The following IPO9 variants were observed in gnomAD, a reference collection of about 807,000 sequenced individuals.
IPO9 encodes the protein importin-9.
A neutral mutation model predicts 128.6 loss-of-function variants in IPO9; 28 were observed. That is an observed-to-expected ratio of 0.22 (90% CI 0.16 to 0.30). The LOEUF is 0.30. Ranked by LOEUF, IPO9 falls within the 10% of genes least tolerant of loss-of-function variation. The pLI is 1.00. For synonymous variants in IPO9, 455 were observed against 475.8 expected (o/e 0.96, Z 0.57); for missense variants, 935 against 1,293.9 (o/e 0.72, Z 4.26).
At chr1:201,836,624 T>A (rs1571537813) in intron 1 of IPO9, among the ~76,000 whole-genome samples, 1 of 95,344 alleles carries the variant, frequency 1.0e-5, no homozygotes, top group Admixed American at 9.9e-5. Context: ...TTTATATAGC[T>A]TTTAAGTAAA....
At chr1:201,859,645 A>G (rs1223857074) in intron 13 of IPO9, among the ~76,000 whole-genome samples, 1 of 152,038 alleles carries the variant, frequency 6.6e-6, no homozygotes, top group African/African-American at 2.4e-5. Context: ...TCTCATACCC[A>G]TGTTAGCCAT....
In IPO9 at chr1:201,881,595, A is replaced by AG. The variant is rs796529850; in HGVS notation, c.*5542dup. On this transcript the variant is annotated 3_prime_UTR_variant, in exon 24 of 24. Coordinates refer to ENST00000361565, the MANE Select transcript of IPO9 (RefSeq NM_018085.5). The stretch of plus-strand genomic sequence containing the variant: ...GGCCAGAAATAAAGCTGGAAGGACA[A>AG]GTGGGGGGCAGATTGTGAAGGATCC... 3.3e-4 allele frequency: 50 copies of AG among 152,362 alleles called. No homozygotes were observed. The highest frequency in any genetic ancestry group is 1.1e-3 in the African/African-American group (45 of 41,582). The allele number at this position is 152,362 out of a possible 1,614,324, so 9.4% of individuals were successfully genotyped here. A position where few individuals can be genotyped will look rare whatever the true frequency, so the allele number is the denominator to read the frequency against.
chr1:201,846,507 G>A (rs1475904640), intron 1 of IPO9, among the ~76,000 whole-genome samples: 17 of 152,122 alleles, frequency 1.1e-4, no homozygotes, highest in Admixed American at 1.1e-3. Flanking sequence ...AAGTAGCTGG[G>A]ATTACAGGTG....
At chr1:201,838,127 A>G (rs956779914) in intron 1 of IPO9, among the ~76,000 whole-genome samples, 1 of 152,214 alleles carries the variant, frequency 6.6e-6, no homozygotes, top group African/African-American at 2.4e-5. Context: ...ATGTGCTTGT[A>G]GATTATTGTG....
At position 201,876,671 on chromosome 1, in the gene IPO9, A is replaced by T. The variant is rs1680770335; in HGVS notation, c.*617A>T. ...TTGTTTTTGCTTCATTGCATGACAT[A>T]ACCCTTCCCCTCAAGCTGTTCCTAT... On this transcript the variant is annotated 3_prime_UTR_variant, in exon 24 of 24. Coordinates refer to ENST00000361565, the MANE Select transcript of IPO9 (RefSeq NM_018085.5). The T allele has an allele frequency of 6.4e-6, 1 of 157,414 alleles. No individual in the cohort carries two copies. The highest frequency in any genetic ancestry group is 1.4e-5 in the Non-Finnish European group (1 of 70,888). The allele number at this position is 157,414 out of a possible 1,614,324, so 9.8% of individuals were successfully genotyped here.
At chr1:201,868,432 C>A (rs921602531) in intron 15 of IPO9, among the ~76,000 whole-genome samples, 7 of 151,954 alleles carry the variant, frequency 4.6e-5, no homozygotes, top group Non-Finnish European at 7.4e-5. Context: ...CTAGTCCCTA[C>A]TTTAATGAAG....
In IPO9 at chr1:201,852,088, A is replaced by AC; in HGVS notation, c.515-15dup. The AC allele has an allele frequency of 6.5e-7, 1 of 1,534,446 alleles. No individual in the cohort carries two copies. The highest frequency in any genetic ancestry group is 9.0e-7 in the Non-Finnish European group (1 of 1,109,986). On this transcript the variant is annotated splice_polypyrimidine_tract_variant and intron_variant, in intron 4 of 23. Transcript: ENST00000361565. Reference sequence around the variant, plus strand: ...GCAGTATTTTTTTTTTAACAGTACTACTTTTTTCTTTGTAGAATTCACTCG... The same window carrying AC: ...GCAGTATTTTTTTTTTAACAGTACTACCTTTTTTCTTTGTAGAATTCACTCG...
At chr1:201,871,014 T>C in intron 18 of IPO9, 147 bp from the exon 19 acceptor site, 2 of 1,275,614 alleles carry the variant, frequency 1.6e-6, no homozygotes, top group African/African-American at 3.0e-5. Context: ...CTAAGAAACA[T>C]GGACAAGGAA....
chr1:201,856,025 C>A, intron 10 of IPO9, 91 bp downstream of exon 10: 4 of 888,158 alleles, frequency 4.5e-6, no homozygotes, highest in Non-Finnish European at 4.9e-6. Flanking sequence ...CACTTTATTT[C>A]TAAAAATAGA....
In IPO9 at chr1:201,829,246, C is replaced by A. The variant is rs752546546; in HGVS notation, c.37C>A (p.Leu13Met). 8.9e-6 allele frequency: 14 copies of A among 1,579,904 alleles called. No homozygotes were observed. Among genetic ancestry groups the A allele is most frequent in the Middle Eastern group, 3.8e-4 (2 of 5,320 alleles). Residue 13 changes from leucine to methionine, a missense_variant, in exon 1 of 24, where the codon CTG (leucine) becomes ATG (methionine). Coordinates refer to ENST00000361565, the MANE Select transcript of IPO9 (RefSeq NM_018085.5). ...AAAAAGAASG[L>M]PGPVAQGLKE... ...GGCGGCAGCTGGTGCGGCCTCCGGG[C>A]TGCCGGGTCCAGTGGCACAAGGATT...
intron 1 of IPO9, among the ~76,000 whole-genome samples, chr1:201,833,394 A>T (rs941405035): frequency 2.6e-4 from 40 of 152,118 alleles, no homozygotes; most frequent in African/African-American, 9.6e-4. Context: ...GCGTACCAAC[A>T]CGCCAGGCTA....
rs1266184830 is a variant in IPO9, at chr1:201,866,826, G to A, written c.1722G>A (p.Gln574=). ...ILDGLIHLAA[Q]FSSEVLNLVM... The stretch of plus-strand genomic sequence containing the variant: ...ATGGCTTAATTCACCTAGCAGCCCA[G>A]TTCAGCTCAGAGGTCCTCAACCTGG... Residue 574 remains glutamine (Q), a synonymous_variant, in exon 15 of 24, where the codon CAG becomes CAA. Transcript: ENST00000361565. The A allele has an allele frequency of 5.0e-6, 8 of 1,614,022 alleles. No individual in the cohort carries two copies. Among genetic ancestry groups the A allele is most frequent in the African/African-American group, 2.7e-5 (2 of 74,886 alleles).
rs11450190 is a variant in IPO9 at position 201,832,256 on chromosome 1, C to CTTT, written c.163+2895_163+2897dup. ...CCTTGTTTTCTGATTCTAGGAAACA[C>CTTT]TTTTTTTTTTTTTGAGACCGAGTCT... is the stretch of plus-strand genomic sequence containing the variant. On this transcript the variant is annotated intron_variant, in intron 1 of 23. Transcript: ENST00000361565. Among the ~76,000 whole-genome samples, 352 of 143,602 alleles carry CTTT rather than the reference C, an allele frequency of 2.5e-3. 4 individuals are homozygous for CTTT. Among genetic ancestry groups the CTTT allele is most frequent in the African/African-American group, 6.7e-3 (262 of 38,916 alleles). The allele number at this position is 143,602 out of a possible 152,430, so 94.2% of individuals were successfully genotyped here.
chr1:201,856,425 C>T (rs1007000994), intron 10 of IPO9, among the ~76,000 whole-genome samples: 4 of 152,102 alleles, frequency 2.6e-5, no homozygotes, highest in African/African-American at 7.2e-5. Context: ...AATTAGATAA[C>T]GCCTCGTTTA....
In IPO9 at chr1:201,871,189, T is replaced by C; in HGVS notation, c.2438T>C (p.Val813Ala). 1.2e-6 allele frequency: 2 copies of C among 1,614,020 alleles called. No individual in the cohort carries two copies. Among genetic ancestry groups the C allele is most frequent in the Non-Finnish European group, 1.7e-6 (2 of 1,179,978 alleles). The change falls in exon 19 of 24, where the codon GTG (valine) becomes GCG (alanine). Residue 813 changes from valine to alanine, a missense_variant. Coordinates refer to ENST00000361565, the MANE Select transcript of IPO9 (RefSeq NM_018085.5). ...CTGATCATGGTGTTCGCTCATCTGG[T>C]GCACACTCAGCTAGAACCTCTCTTG... ...QSLIMVFAHL[V>A]HTQLEPLLEF...
At chr1:201,866,132 G>T (rs890779953) in intron 14 of IPO9, among the ~76,000 whole-genome samples, 4 of 152,038 alleles carry the variant, frequency 2.6e-5, no homozygotes, top group Admixed American at 2.0e-4. Context: ...GATGTCCCAC[G>T]AAAATATTAT....
In IPO9 at chr1:201,847,332, A is replaced by G. The variant is rs751488633; in HGVS notation, c.217A>G (p.Ile73Val). ...TGTAGATCCCCAGGGGGCACTGGCA[A>G]TCCGTCAGGTAAGTCCAGACTGGCC... ...LTVDPQGALA[I>V]RQLASVILKQ... is the part of the protein sequence containing the mutation. Residue 73 changes from isoleucine (I) to valine (V), a missense_variant, in exon 2 of 24, where the codon ATC (isoleucine) becomes GTC (valine). By Grantham distance (29) the Ile-to-Val change is conservative. Coordinates refer to ENST00000361565, the MANE Select transcript of IPO9 (RefSeq NM_018085.5). 1.2e-5 allele frequency: 20 copies of G among 1,613,788 alleles called. No homozygotes were observed. The East Asian group carries it at 1.6e-4, about 13-fold the overall frequency.
intron 1 of IPO9, among the ~76,000 whole-genome samples, chr1:201,835,510 A>G (rs1333721738): frequency 6.6e-6 from 1 of 152,240 alleles, no homozygotes; most frequent in East Asian, 1.9e-4. Context: ...AGGAGAATCT[A>G]GAGTCAGGGT....
chr1:201,875,526 G>C (rs972753260), intron 23 of IPO9, among the ~76,000 whole-genome samples: 1 of 151,730 alleles, frequency 6.6e-6, no homozygotes, highest in Middle Eastern at 3.2e-3. Context: ...AGAGGTCAAG[G>C]CTGCAGTGAG....
Sources: gnomAD v4.1 joint callset for allele counts (sites outside exome capture counted in the v4.1 genomes callset) on GRCh38, gnomAD v4.1.1 for gene constraint, MANE v1.5 for transcripts, NCBI Gene and HGNC (gene_info 2026-07-23, HGNC 2026-07-21) for gene names.